Variants in ARHGEF3 observed in about 807,000 individuals in gnomAD.
The protein encoded by ARHGEF3 is Rho guanine nucleotide exchange factor 3, also known as 59.8 kDA protein.
Under a neutral mutation model 63.2 loss-of-function variants are expected in ARHGEF3, and 28 were observed. The observed-to-expected ratio is 0.44, with a 90% CI of 0.33 to 0.61. The LOEUF is 0.61. Among genes scored for constraint, ARHGEF3 ranks in the 20% least tolerant of loss-of-function variants. ARHGEF3 has a pLI of 0.03. For missense variants in ARHGEF3, 533 were observed against 659.3 expected, an observed-to-expected ratio of 0.81 and a Z score of 2.10; for synonymous variants, 266 against 254.2, an observed-to-expected ratio of 1.05 and a Z score of -0.44.
At chr3:56,788,959 A>C (rs1443210262) in intron 1 of ARHGEF3, among the ~76,000 whole-genome samples, 1 of 152,130 alleles carries the variant, frequency 6.6e-6, no homozygotes, top group Non-Finnish European at 1.5e-5. Flanking sequence ...ACCTCCTAGC[A>C]GATGCCTTGC....
chr3:56,998,076 T>G (rs1702059162), intron 2 of ARHGEF3, among the ~76,000 whole-genome samples: 1 of 152,224 alleles, frequency 6.6e-6, no homozygotes, highest in Non-Finnish European at 1.5e-5. Context: ...AAGTTATTTA[T>G]GCAAACACTG....
intron 2 of ARHGEF3, among the ~76,000 whole-genome samples, chr3:56,758,571 C>T (rs1358229521): frequency 2.6e-5 from 4 of 152,214 alleles, no homozygotes; most frequent in Non-Finnish European, 5.9e-5. Flanking sequence ...GCCCCTTAGG[C>T]TGGCACAAGT....
At chr3:56,758,889 G>C (rs2035255782) in intron 2 of ARHGEF3, among the ~76,000 whole-genome samples, 1 of 152,070 alleles carries the variant, frequency 6.6e-6, no homozygotes, top group Admixed American at 6.6e-5. Context: ...CAGAAAGAAA[G>C]GAAACACACA....
intron 3 of ARHGEF3, among the ~76,000 whole-genome samples, chr3:56,933,565 G>A (rs546482313): frequency 1.5e-4 from 23 of 151,966 alleles, no homozygotes; most frequent in African/African-American, 2.4e-4. Context: ...GACCACAGGC[G>A]CGTGCCATCA....
intron 3 of ARHGEF3, among the ~76,000 whole-genome samples, chr3:56,911,437 C>T (rs74628389): frequency 0.026 from 3,903 of 152,186 alleles, 173 homozygotes; most frequent in African/African-American, 0.089. Context: ...CCACCCCGGC[C>T]AGTATCAGGA....
At chr3:57,077,176 G>A (rs940854986) in intron 1 of ARHGEF3, among the ~76,000 whole-genome samples, 3 of 152,176 alleles carry the variant, frequency 2.0e-5, no homozygotes, top group African/African-American at 7.2e-5. Flanking sequence ...TCTCACCACA[G>A]GCCAACAGTC....
intron 6 of ARHGEF3, among the ~76,000 whole-genome samples, chr3:56,749,213 C>T (rs115714926): frequency 1.8e-3 from 274 of 152,314 alleles, no homozygotes; most frequent in African/African-American, 6.1e-3. Flanking sequence ...TCCAAGTCCT[C>T]ATTTGATGTC....
At chr3:57,016,506 C>T (rs1420858311) in intron 2 of ARHGEF3, among the ~76,000 whole-genome samples, 2 of 152,026 alleles carry the variant, frequency 1.3e-5, no homozygotes, top group Non-Finnish European at 2.9e-5. Flanking sequence ...TGAGATCGCA[C>T]CACCGCACTC....
intron 2 of ARHGEF3, among the ~76,000 whole-genome samples, chr3:57,027,495 G>A (rs1703523489): frequency 6.6e-6 from 1 of 152,162 alleles, no homozygotes; most frequent in Non-Finnish European, 1.5e-5. Flanking sequence ...GCAAGTAGGA[G>A]GACCCAGACA....
intron 3 of ARHGEF3, among the ~76,000 whole-genome samples, chr3:56,908,529 G>A (rs2041765913): frequency 6.6e-6 from 1 of 152,210 alleles, no homozygotes; most frequent in Non-Finnish European, 1.5e-5. Flanking sequence ...TTGAGATGTG[G>A]AATATGTTTC....
chr3:56,777,603 G>A (rs1276086476), intron 1 of ARHGEF3, among the ~76,000 whole-genome samples: 1 of 152,096 alleles, frequency 6.6e-6, no homozygotes, highest in Non-Finnish European at 1.5e-5. Flanking sequence ...ATATAATCTA[G>A]CATACTTTTT....
chr3:57,019,262 G>A (rs1464751327), intron 2 of ARHGEF3, among the ~76,000 whole-genome samples: 1 of 152,192 alleles, frequency 6.6e-6, no homozygotes, highest in African/African-American at 2.4e-5. Flanking sequence ...AGAGGGCTCT[G>A]TAGGTGGCCA....
chr3:57,006,996 G>A (rs1478837819), intron 2 of ARHGEF3, among the ~76,000 whole-genome samples: 3 of 152,196 alleles, frequency 2.0e-5, no homozygotes, highest in Non-Finnish European at 4.4e-5. Context: ...TGGGCTGCTG[G>A]TTCTGCCCGT....
intron 1 of ARHGEF3, among the ~76,000 whole-genome samples, chr3:57,039,915 G>A (rs1171165421): frequency 6.6e-6 from 1 of 152,118 alleles, no homozygotes. Context: ...CACAGTCCCA[G>A]GTATTACTGG....
intron 2 of ARHGEF3, among the ~76,000 whole-genome samples, chr3:57,008,432 G>A (rs1284427961): frequency 6.6e-6 from 1 of 151,394 alleles, no homozygotes; most frequent in East Asian, 1.9e-4. Context: ...GGAATTGGAA[G>A]AAATAGATCT....
chr3:57,021,788 CA>C (rs1264889420), intron 2 of ARHGEF3, among the ~76,000 whole-genome samples: 2 of 151,202 alleles, frequency 1.3e-5, no homozygotes, highest in Admixed American at 6.6e-5. Flanking sequence ...AAGCATTTAC[CA>C]ATCCAATTAG....
intron 3 of ARHGEF3, among the ~76,000 whole-genome samples, chr3:56,934,705 G>A (rs1311012921): frequency 6.6e-6 from 1 of 152,230 alleles, no homozygotes; most frequent in Non-Finnish European, 1.5e-5. Context: ...CCTCCCACGG[G>A]GCAGGGCTTG....
rs546158913 is a variant in ARHGEF3 at position 56,821,645 on chromosome 3, C to T, written c.193-47829G>A. Among the ~76,000 whole-genome samples, 133 of 152,186 alleles carry T rather than the reference C, an allele frequency of 8.7e-4. 1 individual carries two copies. In the South Asian group the frequency reaches 0.022, roughly 26 times the overall value. ...ATACAAATATGCAAATATCTTAGCC[C>T]AATATCTCTACATGTGTGACTTTAC... On this transcript the variant is annotated intron_variant, in intron 4 of 12. Coordinates refer to the ARHGEF3 transcript ENST00000338458.
chr3:57,038,977 C>A (rs1183693113), intron 1 of ARHGEF3, among the ~76,000 whole-genome samples: 2 of 152,220 alleles, frequency 1.3e-5, no homozygotes, highest in African/African-American at 4.8e-5. Flanking sequence ...TTTTCCCCAC[C>A]ACATAATACC....
Sources: gnomAD v4.1 joint callset for allele counts (sites outside exome capture counted in the v4.1 genomes callset) on GRCh38, gnomAD v4.1.1 for gene constraint, MANE v1.5 for transcripts, NCBI Gene and HGNC (gene_info 2026-07-23, HGNC 2026-07-21) for gene names.